Variants in TUSC3 observed in about 807,000 individuals in gnomAD.
The protein encoded by TUSC3 is tumor suppressor candidate 3.
Under a neutral mutation model 44.8 loss-of-function variants are expected in TUSC3, and 45 were observed. That is an observed-to-expected ratio of 1.00 (90% confidence interval 0.79 to 1.29). TUSC3 has a LOEUF of 1.29. Ranked by LOEUF, TUSC3 falls within the 50% of genes most tolerant of loss-of-function variation. The probability of loss-of-function intolerance (pLI) is 0.00; values close to 1 mark genes in which losing one functional copy is unlikely to be tolerated. For synonymous variants in TUSC3, 212 were observed against 152.9 expected, an observed-to-expected ratio of 1.39 and a Z score of -2.85; for missense variants, 519 against 437.9, an observed-to-expected ratio of 1.19 and a Z score of -1.65.
the TUSC3 span, among the ~76,000 whole-genome samples, chr8:15,773,180 G>C: frequency 8.0e-3 from 1,220 of 152,182 alleles, 16 homozygotes; most frequent in African/African-American, 0.028. Context: ...TGGAAAGGAA[G>C]ACATAATGCT....
At chr8:15,706,617 A>G (rs1809625249) in intron 6 of TUSC3, among the ~76,000 whole-genome samples, 1 of 152,070 alleles carries the variant, frequency 6.6e-6, no homozygotes, top group Non-Finnish European at 1.5e-5. Context: ...AGTATTATCA[A>G]TTTCGTGTAG....
intron 2 of TUSC3, among the ~76,000 whole-genome samples, chr8:15,512,931 CATATATATATATAT>C (rs10696221): frequency 3.6e-5 from 4 of 110,604 alleles, no homozygotes; most frequent in African/African-American, 1.7e-4. Context: ...TATATATAAT[CATATATATATATAT>C]ATATATATAT....
intron 9 of TUSC3, among the ~76,000 whole-genome samples, chr8:15,750,259 G>T (rs1192898713): frequency 6.6e-6 from 1 of 151,988 alleles, no homozygotes; most frequent in Non-Finnish European, 1.5e-5. Context: ...GATTACAGGC[G>T]TGAGCCACCA....
intron 2 of TUSC3, among the ~76,000 whole-genome samples, chr8:15,646,008 A>G (rs1374199065): frequency 6.6e-6 from 1 of 152,120 alleles, no homozygotes; most frequent in African/African-American, 2.4e-5. Context: ...TTATACCTTT[A>G]TTAAATGCCA....
At chr8:15,460,827 C>T (rs1267095592) in intron 1 of TUSC3, among the ~76,000 whole-genome samples, 1 of 151,128 alleles carries the variant, frequency 6.6e-6, no homozygotes, top group Non-Finnish European at 1.5e-5. Flanking sequence ...TGTCAAAGAT[C>T]AGTTGGCTGT....
At chr8:15,743,489 T>A in intron 7 of TUSC3, 49 bp from the exon 8 acceptor site, 2 of 1,594,722 alleles carry the variant, frequency 1.3e-6, no homozygotes, top group Non-Finnish European at 1.7e-6. Context: ...GAAAAATTAA[T>A]AGATTTTATT....
chr8:15,465,404 G>A (rs1800401598), intron 1 of TUSC3, among the ~76,000 whole-genome samples: 2 of 152,110 alleles, frequency 1.3e-5, no homozygotes, highest in South Asian at 4.1e-4. Context: ...TTTGTATTCT[G>A]AATTCAAACC....
At chr8:15,527,654 G>C (rs1801393153) in intron 2 of TUSC3, among the ~76,000 whole-genome samples, 1 of 152,156 alleles carries the variant, frequency 6.6e-6, no homozygotes, top group Admixed American at 6.5e-5. Flanking sequence ...AACCTCCCAT[G>C]TTGGCCTCCC....
At position 15,766,487 on chromosome 8, in the gene TUSC3, G is replaced by A. The variant is rs969923556; in HGVS notation, c.*2331G>A. On this transcript the variant is annotated 3_prime_UTR_variant, in exon 11 of 11. Coordinates refer to ENST00000503731, the MANE Select transcript of TUSC3 (RefSeq NM_006765.4). ...AAACTGTCATAAAAATTGATTATAT[G>A]TTTAACAATTGTTTTTCTACTACAG... The A allele has an allele frequency of 6.6e-6, 1 of 151,898 alleles. No individual in the cohort carries two copies. Among genetic ancestry groups the A allele is most frequent in the African/African-American group, 2.4e-5 (1 of 41,384 alleles). The allele number at this position is 151,898 out of a possible 1,614,324, so 9.4% of individuals were successfully genotyped here. A position where few individuals can be genotyped will look rare whatever the true frequency, so the allele number is the denominator to read the frequency against.
chr8:15,844,031 T>G, the TUSC3 span, among the ~76,000 whole-genome samples: 10 of 152,160 alleles, frequency 6.6e-5, no homozygotes. Context: ...CCTAATCAAT[T>G]TCAGCGAATC....
intron 2 of TUSC3, among the ~76,000 whole-genome samples, chr8:15,485,436 G>A (rs192721966): frequency 3.4e-4 from 52 of 151,606 alleles, no homozygotes; most frequent in African/African-American, 1.2e-3. Flanking sequence ...GTTTATCACA[G>A]GGAAGCAATG....
intron 1 of TUSC3, among the ~76,000 whole-genome samples, chr8:15,549,614 CAT>C (rs1801986988): frequency 2.0e-5 from 3 of 151,432 alleles, no homozygotes; most frequent in Admixed American, 6.6e-5. Flanking sequence ...TTTTGGTTAA[CAT>C]GTGAGTTAAG....
In TUSC3 at chr8:15,721,360, AAG is replaced by A. The variant is rs149014563; in HGVS notation, c.799-9305_799-9304del. 4.5e-3 allele frequency among the ~76,000 whole-genome samples: 689 copies of A among 152,164 alleles called. 5 individuals are homozygous for A. Among genetic ancestry groups the A allele is most frequent in the African/African-American group, 0.016 (663 of 41,540 alleles). On this transcript the variant is annotated intron_variant, in intron 6 of 10. Coordinates refer to ENST00000503731, the MANE Select transcript of TUSC3 (RefSeq NM_006765.4). ...GAATTATGTAAATTTTAAGCCATAA[AAG>A]TTTTTTTTGTTTTGCATTTTGGATT...
At chr8:15,705,621 A>C (rs1465545507) in intron 6 of TUSC3, among the ~76,000 whole-genome samples, 1 of 152,084 alleles carries the variant, frequency 6.6e-6, no homozygotes, top group Non-Finnish European at 1.5e-5. Flanking sequence ...CAGAAGGCTG[A>C]ATTCCAACAT....
intron 1 of TUSC3, among the ~76,000 whole-genome samples, chr8:15,618,692 A>G (rs1049979076): frequency 2.0e-5 from 3 of 152,218 alleles, no homozygotes; most frequent in African/African-American, 7.2e-5. Flanking sequence ...AAAGTATAGT[A>G]AATACATAAA....
chr8:15,576,278 TG>T (rs1319536567), intron 1 of TUSC3, among the ~76,000 whole-genome samples: 24 of 141,054 alleles, frequency 1.7e-4, no homozygotes, highest in South Asian at 9.0e-4. Context: ...TTGGTCCTCT[TG>T]TTTTTTTTTT....
intron 2 of TUSC3, among the ~76,000 whole-genome samples, chr8:15,518,330 C>T (rs1051870434): frequency 1.3e-5 from 2 of 151,950 alleles, no homozygotes; most frequent in Non-Finnish European, 2.9e-5. Context: ...TCAAATTATA[C>T]ATGTTACAGT....
intron 2 of TUSC3, among the ~76,000 whole-genome samples, chr8:15,515,545 C>G (rs145940578): frequency 2.0e-5 from 3 of 152,140 alleles, no homozygotes; most frequent in Admixed American, 2.0e-4. Flanking sequence ...GATTAGAAAC[C>G]AGATTTGAAG....
At chr8:15,822,613 G>C in the TUSC3 span, among the ~76,000 whole-genome samples, 1 of 152,068 alleles carries the variant, frequency 6.6e-6, no homozygotes, top group African/African-American at 2.4e-5. Flanking sequence ...TAGAAGAGAA[G>C]GCTTCCAAGG....
Sources: gnomAD v4.1 joint callset for allele counts (sites outside exome capture counted in the v4.1 genomes callset) on GRCh38, gnomAD v4.1.1 for gene constraint, MANE v1.5 for transcripts, NCBI Gene and HGNC (gene_info 2026-07-23, HGNC 2026-07-21) for gene names.